Variants in PRR16 observed in about 807,000 individuals in gnomAD.
PRR16 encodes proline rich 16.
Under a neutral mutation model 18.2 loss-of-function variants are expected in PRR16, and 6 were observed. That is an observed-to-expected ratio of 0.33 (90% CI 0.18 to 0.65). The LOEUF (loss-of-function observed/expected upper bound fraction) is 0.65, where lower values mean the gene tolerates loss of function less well. Ranked by LOEUF, PRR16 falls within the 30% of genes least tolerant of loss-of-function variation. PRR16 has a pLI of 0.74. For synonymous variants in PRR16, 151 were observed against 147.8 expected (o/e 1.02, Z -0.16); for missense variants, 412 against 376.6 (o/e 1.09, Z -0.78).
intron 1 of PRR16, among the ~76,000 whole-genome samples, chr5:120,593,698 G>C (rs6863583): frequency 6.6e-6 from 1 of 151,818 alleles, no homozygotes; most frequent in Non-Finnish European, 1.5e-5. Flanking sequence ...GAGGCACAAC[G>C]AAAGGAAGGA....
At chr5:120,734,782 A>G in the PRR16 span, among the ~76,000 whole-genome samples, 1 of 152,214 alleles carries the variant, frequency 6.6e-6, no homozygotes, top group African/African-American at 2.4e-5. Flanking sequence ...GTTTAAAACA[A>G]TGTTACAGAG....
chr5:120,534,248 G>C (rs1751643466), intron 1 of PRR16, among the ~76,000 whole-genome samples: 1 of 152,154 alleles, frequency 6.6e-6, no homozygotes, highest in African/African-American at 2.4e-5. Flanking sequence ...ATAGAGCAGA[G>C]GGTCAAAGAT....
the PRR16 span, among the ~76,000 whole-genome samples, chr5:120,702,271 C>G: frequency 4.3e-5 from 1 of 23,294 alleles, no homozygotes; most frequent in African/African-American, 1.1e-4. Flanking sequence ...AATAAGGGGT[C>G]GGGGCATGGA....
At chr5:120,465,286 T>C (rs891230928) in intron 1 of PRR16, among the ~76,000 whole-genome samples, 1 of 152,196 alleles carries the variant, frequency 6.6e-6, no homozygotes, top group African/African-American at 2.4e-5. Context: ...CCGAACGTCG[T>C]TACCAGTAAC....
At chr5:120,540,833 C>A (rs10478475) in intron 1 of PRR16, among the ~76,000 whole-genome samples, 29,675 of 151,978 alleles carry the variant, frequency 0.2, 3,043 homozygotes, top group Non-Finnish European at 0.21. Flanking sequence ...TCTTTTTGCT[C>A]TTAATATTAT....
intron 1 of PRR16, among the ~76,000 whole-genome samples, chr5:120,624,488 A>G (rs1271339984): frequency 6.6e-6 from 1 of 152,160 alleles, no homozygotes; most frequent in Non-Finnish European, 1.5e-5. Flanking sequence ...ATAGCATAGC[A>G]TAGTGGTGCA....
intron 1 of PRR16, chr5:120,481,291 T>G (rs558440954): frequency 1.3e-5 from 6 of 448,228 alleles, no homozygotes; most frequent in Non-Finnish European, 2.7e-5. Flanking sequence ...CCACTACGCC[T>G]GGGTAAGTTT....
chr5:120,532,769 A>G (rs1249804891), intron 1 of PRR16, among the ~76,000 whole-genome samples: 3 of 152,150 alleles, frequency 2.0e-5, no homozygotes, highest in African/African-American at 7.2e-5. Context: ...TTAATTGTAT[A>G]AGAATTTTTA....
At chr5:120,737,459 T>A in the PRR16 span, among the ~76,000 whole-genome samples, 2 of 151,816 alleles carry the variant, frequency 1.3e-5, no homozygotes, top group African/African-American at 4.8e-5. Context: ...TGGTGAGCCA[T>A]ACTTGTATTC....
chr5:120,494,809 A>T (rs1413168979), intron 1 of PRR16, among the ~76,000 whole-genome samples: 2 of 152,026 alleles, frequency 1.3e-5, no homozygotes, highest in Non-Finnish European at 2.9e-5. Flanking sequence ...TTGCTTAAGG[A>T]TGTCCATTTG....
At chr5:120,597,835 TTTTCA>T (rs1753861979) in intron 1 of PRR16, among the ~76,000 whole-genome samples, 3 of 151,914 alleles carry the variant, frequency 2.0e-5, no homozygotes, top group Non-Finnish European at 4.4e-5. Flanking sequence ...TCCCTTTGCC[TTTTCA>T]TTTGAAATGT....
At chr5:120,603,284 T>C (rs2112793416) in intron 1 of PRR16, among the ~76,000 whole-genome samples, 1 of 152,250 alleles carries the variant, frequency 6.6e-6, no homozygotes, top group Non-Finnish European at 1.5e-5. Context: ...CCTGTTTTAA[T>C]CTTGGAAGGT....
At chr5:120,678,696 T>A (rs1300552063) in intron 1 of PRR16, among the ~76,000 whole-genome samples, 1 of 152,234 alleles carries the variant, frequency 6.6e-6, no homozygotes, top group Non-Finnish European at 1.5e-5. Context: ...GTGGAGTTTC[T>A]AGTCTTTTCT....
intron 1 of PRR16, among the ~76,000 whole-genome samples, chr5:120,548,721 G>T (rs1752153285): frequency 7.0e-6 from 1 of 142,266 alleles, no homozygotes; most frequent in Non-Finnish European, 1.6e-5. Context: ...TCTTTTCATG[G>T]ATTGATTGTA....
the PRR16 span, among the ~76,000 whole-genome samples, chr5:120,756,010 G>C: frequency 6.6e-6 from 1 of 152,240 alleles, no homozygotes; most frequent in African/African-American, 2.4e-5. Flanking sequence ...GTAAATGAAG[G>C]AATGACCTGC....
chr5:120,718,019 A>G, the PRR16 span, among the ~76,000 whole-genome samples: 1 of 152,146 alleles, frequency 6.6e-6, no homozygotes, highest in Non-Finnish European at 1.5e-5. Context: ...AAAAGATAAA[A>G]GCCTTGTGGA....
At chr5:120,657,128 G>A (rs781228458) in intron 1 of PRR16, among the ~76,000 whole-genome samples, 2 of 151,892 alleles carry the variant, frequency 1.3e-5, no homozygotes, top group Non-Finnish European at 1.5e-5. Flanking sequence ...TGAGTTCTTA[G>A]TATAGTTCAG....
chr5:120,516,984 A>G (rs906319652), intron 1 of PRR16, among the ~76,000 whole-genome samples: 3 of 152,156 alleles, frequency 2.0e-5, no homozygotes, highest in Non-Finnish European at 2.9e-5. Context: ...AACAATTTCT[A>G]TTGTTAGCAA....
the PRR16 span, among the ~76,000 whole-genome samples, chr5:120,785,816 G>A: frequency 2.7e-3 from 410 of 151,342 alleles, 5 homozygotes; most frequent in African/African-American, 9.6e-3. Context: ...TGATCCGTCC[G>A]CCTCGGACTC....
Sources: gnomAD v4.1 joint callset for allele counts (sites outside exome capture counted in the v4.1 genomes callset) on GRCh38, gnomAD v4.1.1 for gene constraint, MANE v1.5 for transcripts, NCBI Gene and HGNC (gene_info 2026-07-23, HGNC 2026-07-21) for gene names.